PIK3C2G: variants seen among roughly 807,000 people sequenced by gnomAD.
PIK3C2G encodes the protein phosphatidylinositol 3-kinase C2 domain-containing subunit gamma.
In PIK3C2G, 168 loss-of-function variants were observed where a neutral mutation model predicts 181.1. The observed-to-expected ratio is 0.93, with a 90% confidence interval of 0.82 to 1.05. The LOEUF (loss-of-function observed/expected upper bound fraction) is 1.05, where lower values mean the gene tolerates loss of function less well. Ranked by LOEUF, PIK3C2G falls within the 50% of genes least tolerant of loss-of-function variation. The pLI, the probability that PIK3C2G is intolerant of heterozygous loss-of-function variation, is 0.00. For missense variants in PIK3C2G, 1,869 were observed against 1,732.8 expected, an observed-to-expected ratio of 1.08 and a Z score of -1.40; for synonymous variants, 573 against 592.2, an observed-to-expected ratio of 0.97 and a Z score of 0.47.
upstream of PIK3C2G, among the ~76,000 whole-genome samples, chr12:18,243,184 TAA>T (rs1436854449): frequency 2.9e-5 from 4 of 137,236 alleles, no homozygotes; most frequent in Non-Finnish European, 4.6e-5. Context: ...TTAAATCCTA[TAA>T]AGTCTTTCTG....
chr12:18,602,562 A>G (rs1031748202), intron 30 of PIK3C2G, among the ~76,000 whole-genome samples: 5 of 152,038 alleles, frequency 3.3e-5, no homozygotes, highest in Non-Finnish European at 4.4e-5. Flanking sequence ...ACCTCCTGAC[A>G]GGAGGCCATC....
intron 5 of PIK3C2G, among the ~76,000 whole-genome samples, chr12:18,311,564 CAAAG>C (rs1208778001): frequency 1.3e-5 from 2 of 151,118 alleles, no homozygotes; most frequent in South Asian, 2.1e-4. Flanking sequence ...TGAAAATACA[CAAAG>C]AAACAGGTGA....
intron 23 of PIK3C2G, 22 bp from the exon 24 acceptor site, chr12:18,505,270 T>C (rs1941746499): frequency 6.4e-7 from 1 of 1,558,586 alleles, no homozygotes; most frequent in Non-Finnish European, 8.7e-7. Context: ...TATTTTTGCA[T>C]GATTGTTTTT....
chr12:18,389,012 G>A (rs1031943286), intron 14 of PIK3C2G, among the ~76,000 whole-genome samples: 5 of 152,132 alleles, frequency 3.3e-5, no homozygotes, highest in African/African-American at 1.2e-4. Flanking sequence ...ATGTCATGGC[G>A]CATGCAATGT....
upstream of PIK3C2G, among the ~76,000 whole-genome samples, chr12:18,261,388 T>C (rs1334604954): frequency 1.3e-5 from 2 of 152,132 alleles, no homozygotes; most frequent in African/African-American, 4.8e-5. Context: ...TTCTTTTTTT[T>C]TCCATATAAC....
At chr12:18,680,510 C>T in the PIK3C2G span, among the ~76,000 whole-genome samples, 1 of 151,996 alleles carries the variant, frequency 6.6e-6, no homozygotes, top group Non-Finnish European at 1.5e-5. Context: ...ATTTCCCAGA[C>T]AAAAGTCCAG....
chr12:18,474,421 C>T (rs1403168364), intron 18 of PIK3C2G, among the ~76,000 whole-genome samples: 1 of 152,050 alleles, frequency 6.6e-6, no homozygotes, highest in African/African-American at 2.4e-5. Flanking sequence ...CAGAATTTAC[C>T]ATGTAAAAAC....
chr12:18,404,393 T>C (rs962581145), intron 16 of PIK3C2G, among the ~76,000 whole-genome samples: 2 of 152,142 alleles, frequency 1.3e-5, no homozygotes, highest in African/African-American at 4.8e-5. Flanking sequence ...ATAGTGACTG[T>C]CTCTAAACAA....
chr12:18,307,287 T>A (rs1319038844), intron 5 of PIK3C2G, among the ~76,000 whole-genome samples: 1 of 151,642 alleles, frequency 6.6e-6, no homozygotes, highest in East Asian at 1.9e-4. Context: ...GTTCCTAAGA[T>A]AGTAACTAGC....
At chr12:18,292,227 A>AAAAAAAATATATATATAT in intron 4 of PIK3C2G, among the ~76,000 whole-genome samples, 4 of 48,728 alleles carry the variant, frequency 8.2e-5, no homozygotes, top group African/African-American at 4.4e-4. Context: ...AAAAAAAAAA[A>AAAAAAAATATATATATAT]ATATATATAT....
chr12:18,446,081 T>C (rs1947010283), intron 18 of PIK3C2G, among the ~76,000 whole-genome samples: 2 of 152,222 alleles, frequency 1.3e-5, no homozygotes, highest in Non-Finnish European at 2.9e-5. Flanking sequence ...TAATTAGCCA[T>C]GTTTTGAGAG....
intron 1 of PIK3C2G, among the ~76,000 whole-genome samples, chr12:18,276,059 A>C (rs1381234708): frequency 6.6e-6 from 1 of 152,236 alleles, no homozygotes; most frequent in Non-Finnish European, 1.5e-5. Context: ...GTAGACAAAG[A>C]AAACAGCAGC....
chr12:18,338,297 T>G (rs1287811722), intron 8 of PIK3C2G, 129 bp from the exon 9 acceptor site: 3 of 706,126 alleles, frequency 4.2e-6, no homozygotes, highest in Non-Finnish European at 7.0e-6. Flanking sequence ...GAACTTTCTT[T>G]TTGTGTGAAA....
chr12:18,461,542 G>A (rs1396671574), intron 18 of PIK3C2G, among the ~76,000 whole-genome samples: 2 of 152,166 alleles, frequency 1.3e-5, no homozygotes, highest in Non-Finnish European at 2.9e-5. Context: ...TATTAAGGTT[G>A]TAAGGATTTA....
intron 30 of PIK3C2G, among the ~76,000 whole-genome samples, chr12:18,606,984 T>C (rs534149631): frequency 6.6e-6 from 1 of 152,242 alleles, no homozygotes; most frequent in East Asian, 1.9e-4. Flanking sequence ...GTGCACATTA[T>C]GGAGTAAGCA....
At chr12:18,295,724 T>C (rs1359911813) in intron 5 of PIK3C2G, among the ~76,000 whole-genome samples, 2 of 152,072 alleles carry the variant, frequency 1.3e-5, no homozygotes, top group South Asian at 2.1e-4. Flanking sequence ...TATTCCCTAA[T>C]GGACATTGAA....
the PIK3C2G span, among the ~76,000 whole-genome samples, chr12:18,670,020 T>C: frequency 6.6e-6 from 1 of 152,062 alleles, no homozygotes; most frequent in Non-Finnish European, 1.5e-5. Flanking sequence ...TCAGCCCTTA[T>C]GTCTTAATTT....
At chr12:18,652,429 G>T (rs890523274), downstream of PIK3C2G, among the ~76,000 whole-genome samples, 1 of 152,138 alleles carries the variant, frequency 6.6e-6, no homozygotes, top group Non-Finnish European at 1.5e-5. Flanking sequence ...AAGAGGCATG[G>T]CAGAGATTCT....
chr12:18,692,725 A>C, the PIK3C2G span: 1 of 860,122 alleles, frequency 1.2e-6, no homozygotes, highest in Non-Finnish European at 1.9e-6. Context: ...CATCAACATA[A>C]AGAAAAAATG....
Sources: gnomAD v4.1 joint callset for allele counts (sites outside exome capture counted in the v4.1 genomes callset) on GRCh38, gnomAD v4.1.1 for gene constraint, MANE v1.5 for transcripts, NCBI Gene and HGNC (gene_info 2026-07-23, HGNC 2026-07-21) for gene names.